Variants in CCDC144A observed in about 807,000 individuals in gnomAD.
The protein encoded by CCDC144A is coiled-coil domain-containing protein 144A.
CCDC144A carries 41 observed loss-of-function variants against 143.8 expected under a neutral mutation model. The ratio of observed to expected loss-of-function variants is 0.29; its 90% CI spans 0.22 to 0.37. CCDC144A has a LOEUF of 0.37. Among genes scored for constraint, CCDC144A ranks in the 10% least tolerant of loss-of-function variants. The pLI is 1.00. For synonymous variants in CCDC144A, 242 were observed against 517.9 expected (o/e 0.47, Z 7.23); for missense variants, 637 against 1,488.8 (o/e 0.43, Z 9.41).
the CCDC144A span, among the ~76,000 whole-genome samples, chr17:16,675,942 G>A: frequency 6.6e-6 from 1 of 151,498 alleles, no homozygotes; most frequent in Non-Finnish European, 1.5e-5. Flanking sequence ...TAGAGACGGG[G>A]TTTCACCGTG....
intron 15 of CCDC144A, chr17:16,766,002 C>T (rs1306113052): frequency 2.0e-5 from 3 of 152,288 alleles, no homozygotes; most frequent in Non-Finnish European, 2.9e-5. Flanking sequence ...ATGACACAGC[C>T]TCAGGAAGTC....
At chr17:16,717,288 T>C (rs1376612860) in intron 6 of CCDC144A, among the ~76,000 whole-genome samples, 1 of 150,280 alleles carries the variant, frequency 6.7e-6, no homozygotes, top group Non-Finnish European at 1.5e-5. Flanking sequence ...AATTTTTGTA[T>C]TTTTAGTAGA....
chr17:16,762,262 A>T (rs1483672442), intron 13 of CCDC144A, 51 bp from the exon 14 acceptor site: 2 of 1,533,168 alleles, frequency 1.3e-6, no homozygotes, highest in African/African-American at 2.8e-5. Flanking sequence ...ATACACAGTA[A>T]TTATTCAGGT....
intron 12 of CCDC144A, chr17:16,746,086 C>G (rs1914490436): frequency 1.9e-6 from 3 of 1,605,144 alleles, no homozygotes; most frequent in Non-Finnish European, 2.6e-6. Context: ...GAGCCTTCCA[C>G]GGGCCTGGCT....
chr17:16,704,339 C>T (rs1911918695), intron 2 of CCDC144A, among the ~76,000 whole-genome samples: 1 of 151,966 alleles, frequency 6.6e-6, no homozygotes, highest in African/African-American at 2.4e-5. Flanking sequence ...GCTGTAGCCC[C>T]AGCTACTCAG....
intron 12 of CCDC144A, among the ~76,000 whole-genome samples, chr17:16,755,411 G>A (rs1286650312): frequency 1.3e-5 from 2 of 152,082 alleles, no homozygotes; most frequent in African/African-American, 4.8e-5. Flanking sequence ...CTACCAGTGA[G>A]TCTTACAGTT....
intron 2 of CCDC144A, among the ~76,000 whole-genome samples, chr17:16,703,531 G>A (rs1911849276): frequency 6.6e-6 from 1 of 152,210 alleles, no homozygotes; most frequent in African/African-American, 2.4e-5. Context: ...GCGGCCGGGC[G>A]TGGTGGCTAA....
chr17:16,756,468 A>G (rs1222968250), intron 12 of CCDC144A, among the ~76,000 whole-genome samples: 1 of 150,320 alleles, frequency 6.7e-6, no homozygotes, highest in Non-Finnish European at 1.5e-5. Context: ...GTTCCTTTTA[A>G]TGCTATCTTT....
At chr17:16,670,491 C>G in the CCDC144A span, among the ~76,000 whole-genome samples, 2 of 150,718 alleles carry the variant, frequency 1.3e-5, no homozygotes, top group African/African-American at 4.9e-5. Context: ...AATGATAACA[C>G]TAGGAAGACC....
Position 16,776,054 on chromosome 17 carries a change from A to G in CCDC144A, c.*2421A>G, listed in dbSNP as rs1157506948. The G allele has an allele frequency of 6.6e-6, 1 of 152,064 alleles. No homozygotes were observed. The highest frequency in any genetic ancestry group is 2.4e-5 in the African/African-American group (1 of 41,390). 9.4% of individuals were successfully genotyped at this position (152,064 alleles called of 1,614,324 possible). On this transcript the variant is annotated 3_prime_UTR_variant, in exon 17 of 17. Coordinates refer to ENST00000399273, the MANE Select transcript of CCDC144A (RefSeq NM_001382000.1). ...ATTTCTGGGTTCTCTATTCTGTTCC[A>G]TTGGTCTATGTGTCGGTTCTTGTAC... is the stretch of plus-strand genomic sequence containing the variant.
chr17:16,696,349 G>C (rs936431622), intron 2 of CCDC144A, among the ~76,000 whole-genome samples: 1 of 150,184 alleles, frequency 6.7e-6, no homozygotes. Context: ...AGTAGATCTC[G>C]GGCCGGGCAT....
chr17:16,766,989 A>G (rs1396037353), intron 15 of CCDC144A: 2 of 152,170 alleles, frequency 1.3e-5, no homozygotes, highest in African/African-American at 4.8e-5. Context: ...GAGATTTAAA[A>G]GCATGATTAT....
intron 3 of CCDC144A, chr17:16,705,957 C>T (rs899409781): frequency 1.9e-5 from 3 of 157,284 alleles, no homozygotes; most frequent in African/African-American, 7.3e-5. Flanking sequence ...GTGGTGAACG[C>T]TTGTAGTCCC....
chr17:16,734,753 A>G lies in CCDC144A; in HGVS notation c.2482A>G (p.Ile828Val). The change falls in exon 12 of 17, where the codon ATT becomes GTT. Residue 828 changes from isoleucine to valine, a missense_variant. Transcript: ENST00000399273. ...TGAAGATTGCATGTTGCAGGAAGAA[A>G]TTGCCTTGCTGAGACTGGAAATAGA... Reference protein sequence around the residue: ...FHEDCMLQEEIALLRLEIDTI... With the variant: ...FHEDCMLQEEVALLRLEIDTI... 1.3e-6 allele frequency: 2 copies of G among 1,589,008 alleles called. No individual in the cohort carries two copies. The highest frequency in any genetic ancestry group is 1.7e-6 in the Non-Finnish European group (2 of 1,170,176).
intron 6 of CCDC144A, among the ~76,000 whole-genome samples, chr17:16,717,400 A>T (rs2621591): frequency 6.6e-6 from 1 of 151,972 alleles, no homozygotes; most frequent in East Asian, 1.9e-4. Context: ...GTGAGCCACC[A>T]CACCCAGCTG....
chr17:16,718,965 G>A (rs2143172649), intron 6 of CCDC144A, among the ~76,000 whole-genome samples: 1 of 134,428 alleles, frequency 7.4e-6, no homozygotes, highest in Admixed American at 7.3e-5. Flanking sequence ...CTGAGTAGCT[G>A]GGATTACAGG....
intron 6 of CCDC144A, among the ~76,000 whole-genome samples, chr17:16,716,644 G>A (rs1912770794): frequency 6.6e-6 from 1 of 151,718 alleles, no homozygotes; most frequent in African/African-American, 2.4e-5. Flanking sequence ...TTTTCTTCCC[G>A]AGACATTTCC....
chr17:16,669,658 T>C, the CCDC144A span, among the ~76,000 whole-genome samples: 1 of 152,226 alleles, frequency 6.6e-6, no homozygotes, highest in Admixed American at 6.5e-5. Context: ...TTTTATATTA[T>C]TGTAATTAAT....
chr17:16,709,716 A>G, intron 5 of CCDC144A, 81 bp downstream of exon 5: 1 of 1,493,636 alleles, frequency 6.7e-7, no homozygotes, highest in East Asian at 2.3e-5. Flanking sequence ...GGAAAAGCAT[A>G]TGAAAAGCAT....
Sources: allele counts gnomAD v4.1 joint callset (sites outside exome capture counted in the v4.1 genomes callset), GRCh38; gene constraint gnomAD v4.1.1; transcripts MANE v1.5; gene names NCBI Gene and HGNC (gene_info 2026-07-23, HGNC 2026-07-21).